MIX23: variants seen among roughly 807,000 people sequenced by gnomAD.
The protein encoded by MIX23 is protein MIX23.
A neutral mutation model predicts 21.6 loss-of-function variants in MIX23; 13 were observed. That is an observed-to-expected ratio of 0.60 (90% confidence interval 0.39 to 0.96). The LOEUF is 0.96. MIX23 is among the 40% of genes least tolerant of loss of function. The pLI is 0.00. For missense variants in MIX23, 144 were observed against 171.2 expected (o/e 0.84, Z 0.89); for synonymous variants, 59 against 58.0 (o/e 1.02, Z -0.08).
intron 3 of MIX23, chr3:122,367,879 G>A (rs2075408659): frequency 2.7e-6 from 1 of 374,550 alleles, no homozygotes; most frequent in Non-Finnish European, 4.9e-6. Context: ...TACTTCACCT[G>A]TAGTGATCCC....
chr3:122,361,151 C>A (rs2075355712), intron 4 of MIX23, among the ~76,000 whole-genome samples: 1 of 152,036 alleles, frequency 6.6e-6, no homozygotes, highest in Admixed American at 6.5e-5. Flanking sequence ...CTGCGCCTGA[C>A]CTATTATTCA....
intron 1 of MIX23, among the ~76,000 whole-genome samples, chr3:122,375,588 G>A (rs916032602): frequency 1.3e-5 from 2 of 152,208 alleles, no homozygotes; most frequent in Non-Finnish European, 2.9e-5. Context: ...GAATTAGTTA[G>A]TTGTTGGAGT....
intron 2 of MIX23, among the ~76,000 whole-genome samples, chr3:122,369,158 T>C (rs1366201512): frequency 1.3e-5 from 2 of 152,240 alleles, no homozygotes; most frequent in Non-Finnish European, 2.9e-5. Flanking sequence ...ACTCTATTGT[T>C]CAGTATTGAT....
Position 122,381,728 on chromosome 3 carries a change from T to TA in MIX23, c.51+1445dup, listed in dbSNP as rs55955834. ...GCGAGACTCTGTCTCAAAAAAAAAA[T>TA]AAAAAAAAAAAAAAAAAGAAGAGGA... is the stretch of plus-strand genomic sequence containing the variant. On this transcript the variant is annotated intron_variant, in intron 1 of 4. Transcript: ENST00000291458. 6.4e-3 allele frequency among the ~76,000 whole-genome samples: 828 copies of TA among 130,334 alleles called. 2 individuals are homozygous for TA. The highest frequency in any genetic ancestry group is 0.01 in the African/African-American group (357 of 34,872). The allele number at this position is 130,334 out of a possible 152,430, so 85.5% of individuals were successfully genotyped here.
intron 2 of MIX23, among the ~76,000 whole-genome samples, chr3:122,370,660 G>A (rs144329956): frequency 2.0e-5 from 3 of 152,186 alleles, no homozygotes; most frequent in Admixed American, 6.5e-5. Flanking sequence ...GTAGTGAGGT[G>A]AGAGAGGGAG....
chr3:122,382,029 C>A lies in MIX23; in HGVS notation c.51+1145G>T, dbSNP rs146246505. Among the ~76,000 whole-genome samples, 336 of 152,256 alleles carry A rather than the reference C, an allele frequency of 2.2e-3. 4 individuals are homozygous for A. Among genetic ancestry groups the A allele is most frequent in the African/African-American group, 7.5e-3 (312 of 41,560 alleles). On this transcript the variant is annotated intron_variant, in intron 1 of 4. Transcript: ENST00000291458. ...GTCTGTGGTATTTTGTTATGGCAGC[C>A]CTAGCGGACTAATACAGTATCTAAT...
In MIX23 at chr3:122,362,950, A is replaced by G; in HGVS notation, c.384+18T>C. The G allele has an allele frequency of 6.2e-7, 1 of 1,609,302 alleles. No homozygotes were observed. The highest frequency in any genetic ancestry group is 8.5e-7 in the Non-Finnish European group (1 of 1,176,304). ...GTTTCCCTCCTACTTCTTTCCAAAC[A>G]CCAACATTATTTTATACCTTCCAGC... is the stretch of plus-strand genomic sequence containing the variant. On this transcript the variant is annotated intron_variant, in intron 4 of 4. Coordinates refer to ENST00000291458, the MANE Select transcript of MIX23 (RefSeq NM_001017928.4).
rs72972760 is a variant in MIX23, at chr3:122,363,038, A to T, written c.325-11T>A. 6,959 of 1,602,262 alleles carry T rather than the reference A, an allele frequency of 4.3e-3. 266 individuals carry two copies. The African/African-American group carries it at 0.086, about 20-fold the overall frequency. ...CTGCATCCATTTCAACTGCAAGAAA[A>T]AAAAAAATTGAAGTTATAAAATTTA... On this transcript the variant is annotated splice_polypyrimidine_tract_variant and intron_variant, in intron 3 of 4. Coordinates refer to ENST00000291458, the MANE Select transcript of MIX23 (RefSeq NM_001017928.4).
chr3:122,373,526 A>G (rs1312554959), intron 1 of MIX23, among the ~76,000 whole-genome samples: 2 of 152,174 alleles, frequency 1.3e-5, no homozygotes, highest in Non-Finnish European at 2.9e-5. Context: ...CACCGGCCTC[A>G]GCCTCCCAAA....
At chr3:122,379,627 T>C (rs1473104594) in intron 1 of MIX23, among the ~76,000 whole-genome samples, 1 of 151,924 alleles carries the variant, frequency 6.6e-6, no homozygotes, top group Non-Finnish European at 1.5e-5. Flanking sequence ...ACCAAGAAAA[T>C]ACATAGAAGA....
In MIX23 at chr3:122,359,775, A is replaced by G; in HGVS notation, c.*94T>C. On this transcript the variant is annotated 3_prime_UTR_variant, in exon 5 of 5. Transcript: ENST00000291458. ...CTGTTGGCTCAGAAATCATCCTAGA[A>G]AGCCCGCCCTGTTGATATCTGTCAT... 2 of 1,288,462 alleles carry G rather than the reference A, an allele frequency of 1.6e-6. No individual in the cohort carries two copies. The highest frequency in any genetic ancestry group is 1.0e-6 in the Non-Finnish European group (1 of 980,992). 79.8% of individuals were successfully genotyped at this position (1,288,462 alleles called of 1,614,324 possible).
intron 4 of MIX23, among the ~76,000 whole-genome samples, chr3:122,360,541 G>A (rs1033114359): frequency 6.6e-6 from 1 of 152,106 alleles, no homozygotes; most frequent in African/African-American, 2.4e-5. Flanking sequence ...GGAGGTAGCT[G>A]AAGGAGAGGG....
At chr3:122,360,055 G>A in intron 4 of MIX23, 136 bp from the exon 5 acceptor site, 2 of 868,062 alleles carry the variant, frequency 2.3e-6, no homozygotes, top group Middle Eastern at 2.4e-4. Flanking sequence ...AAACAGAAGA[G>A]TTTCCTCAGC....
intron 2 of MIX23, among the ~76,000 whole-genome samples, chr3:122,369,658 T>C (rs905475090): frequency 2.6e-5 from 4 of 152,180 alleles, no homozygotes; most frequent in Non-Finnish European, 4.4e-5. Flanking sequence ...AGTTCTAAAT[T>C]TAGTATGCAA....
chr3:122,365,791 C>A (rs754579178), intron 3 of MIX23, among the ~76,000 whole-genome samples: 1 of 152,172 alleles, frequency 6.6e-6, no homozygotes, highest in Non-Finnish European at 1.5e-5. Flanking sequence ...AATTTAACAG[C>A]CTTTGCCCTG....
In MIX23 at chr3:122,371,725, A is replaced by C; in HGVS notation, c.127T>G (p.Phe43Val). 1 of 1,612,748 alleles carries C rather than the reference A, an allele frequency of 6.2e-7. No individual in the cohort carries two copies. Among genetic ancestry groups the C allele is most frequent in the Non-Finnish European group, 8.5e-7 (1 of 1,179,700 alleles). ...TGGCTGGCATCAATTTTCCCTGCAA[A>C]GGAAGCTGTTGGAACCGTAGTGTTT... ...ELNTTVPTAS[F>V]AGKIDASQTC... The change falls in exon 2 of 5, where the codon TTT becomes GTT. Residue 43 changes from phenylalanine (F) to valine (V), a missense_variant. Physicochemically the swap from Phe to Val is conservative, Grantham distance 50 (BLOSUM62 -1). Coordinates refer to ENST00000291458, the MANE Select transcript of MIX23 (RefSeq NM_001017928.4).
At chr3:122,374,102 A>ATTTT (rs367550434) in intron 1 of MIX23, among the ~76,000 whole-genome samples, 1 of 122,984 alleles carries the variant, frequency 8.1e-6, no homozygotes, top group African/African-American at 3.2e-5. Flanking sequence ...TGACTGGCCT[A>ATTTT]TTTTTTTTTT....
At chr3:122,362,482 T>G (rs905369947) in intron 4 of MIX23, among the ~76,000 whole-genome samples, 2 of 151,752 alleles carry the variant, frequency 1.3e-5, no homozygotes, top group Non-Finnish European at 2.9e-5. Flanking sequence ...TTTTGTTTTG[T>G]TTTGGTTTTT....
intron 2 of MIX23, 57 bp from the exon 3 acceptor site, chr3:122,368,379 T>C: frequency 1.3e-6 from 2 of 1,489,778 alleles, no homozygotes; most frequent in Non-Finnish European, 1.8e-6. Context: ...TATCACATTT[T>C]AGTGTTTTTC....
Sources: allele counts gnomAD v4.1 joint callset (sites outside exome capture counted in the v4.1 genomes callset), GRCh38; gene constraint gnomAD v4.1.1; transcripts MANE v1.5; gene names NCBI Gene and HGNC (gene_info 2026-07-23, HGNC 2026-07-21).